The following DGKG variants were observed in gnomAD, a reference collection of about 807,000 sequenced individuals.
DGKG encodes the protein diacylglycerol kinase gamma, also known as DAG kinase gamma.
A neutral mutation model predicts 105.3 loss-of-function variants in DGKG; 78 were observed. The ratio of observed to expected loss-of-function variants is 0.74; its 90% CI spans 0.62 to 0.89. The LOEUF (loss-of-function observed/expected upper bound fraction) is 0.89, where lower values mean the gene tolerates loss of function less well. DGKG is among the 40% of genes least tolerant of loss of function. The probability of loss-of-function intolerance (pLI) is 0.00; values close to 1 mark genes in which losing one functional copy is unlikely to be tolerated. For missense variants in DGKG, 958 were observed against 1,020.1 expected, an observed-to-expected ratio of 0.94 and a Z score of 0.83; for synonymous variants, 346 against 367.1, an observed-to-expected ratio of 0.94 and a Z score of 0.66.
intron 20 of DGKG, among the ~76,000 whole-genome samples, chr3:186,224,066 C>A (rs988370192): frequency 1.3e-5 from 2 of 152,202 alleles, no homozygotes; most frequent in African/African-American, 4.8e-5. Flanking sequence ...TAGCTTGCAC[C>A]TGCTGCCCTT....
chr3:186,153,623 C>G (rs1412736284), intron 24 of DGKG, among the ~76,000 whole-genome samples: 1 of 152,210 alleles, frequency 6.6e-6, no homozygotes, highest in Non-Finnish European at 1.5e-5. Context: ...ATGTGAACTT[C>G]ACTAGTGCTG....
At chr3:186,331,616 G>A (rs543775529) in intron 1 of DGKG, among the ~76,000 whole-genome samples, 4 of 152,140 alleles carry the variant, frequency 2.6e-5, no homozygotes, top group South Asian at 2.1e-4. Context: ...ATGCCCAGGT[G>A]GGGGAGCTGG....
At chr3:186,218,597 A>C (rs1449083831) in intron 20 of DGKG, among the ~76,000 whole-genome samples, 2 of 151,716 alleles carry the variant, frequency 1.3e-5, no homozygotes, top group Non-Finnish European at 2.9e-5. Context: ...GACACAATTC[A>C]GAACAGGATG....
chr3:186,298,349 A>T (rs1422217211), intron 3 of DGKG, 120 bp from the exon 4 acceptor site: 1 of 922,150 alleles, frequency 1.1e-6, no homozygotes, highest in African/African-American at 1.7e-5. Flanking sequence ...GCAGTAGGAC[A>T]TGGAGGAGCT....
intron 11 of DGKG, among the ~76,000 whole-genome samples, chr3:186,270,693 C>T (rs1337442729): frequency 1.3e-5 from 2 of 152,216 alleles, no homozygotes; most frequent in African/African-American, 4.8e-5. Flanking sequence ...AAGTGACTGG[C>T]CCTAGGTTCC....
intron 1 of DGKG, among the ~76,000 whole-genome samples, chr3:186,345,451 C>T (rs190317355): frequency 9.9e-5 from 15 of 152,244 alleles, no homozygotes; most frequent in African/African-American, 3.6e-4. Context: ...TGCTTCCTTA[C>T]TGTCTCCTTT....
chr3:186,223,278 T>G (rs1395160646), intron 20 of DGKG, among the ~76,000 whole-genome samples: 1 of 151,390 alleles, frequency 6.6e-6, no homozygotes, highest in Non-Finnish European at 1.5e-5. Flanking sequence ...AGGAGGGGAA[T>G]GGAGACGCCA....
chr3:186,167,616 G>A (rs571617565), intron 22 of DGKG, among the ~76,000 whole-genome samples: 2 of 152,264 alleles, frequency 1.3e-5, no homozygotes, highest in East Asian at 1.9e-4. Flanking sequence ...TGAGACATCT[G>A]GTATACCAGG....
chr3:186,253,750 C>CA (rs1721331681), intron 17 of DGKG, among the ~76,000 whole-genome samples: 1 of 152,126 alleles, frequency 6.6e-6, no homozygotes, highest in Non-Finnish European at 1.5e-5. Flanking sequence ...TCTATGGCTC[C>CA]AAGTCCATTC....
chr3:186,248,235 A>C (rs548280635), intron 19 of DGKG, among the ~76,000 whole-genome samples: 1 of 152,308 alleles, frequency 6.6e-6, no homozygotes, highest in East Asian at 1.9e-4. Flanking sequence ...TGTTTTTGTC[A>C]GCCAGAGCTG....
chr3:186,352,928 CA>C (rs1395513850), intron 1 of DGKG, among the ~76,000 whole-genome samples: 6 of 152,134 alleles, frequency 3.9e-5, no homozygotes, highest in Non-Finnish European at 8.8e-5. Context: ...AAAAAATGCA[CA>C]CTTTAATGTG....
At chr3:186,345,472 T>C (rs1726284967) in intron 1 of DGKG, among the ~76,000 whole-genome samples, 1 of 152,238 alleles carries the variant, frequency 6.6e-6, no homozygotes, top group Admixed American at 6.5e-5. Flanking sequence ...GTTTAATTAA[T>C]ATTTAGTTTG....
At chr3:186,333,102 G>C (rs78904245) in intron 1 of DGKG, among the ~76,000 whole-genome samples, 1 of 152,142 alleles carries the variant, frequency 6.6e-6, no homozygotes, top group Non-Finnish European at 1.5e-5. Context: ...CAGGTATCCC[G>C]TTATAAGCAG....
intron 22 of DGKG, among the ~76,000 whole-genome samples, chr3:186,176,176 C>T (rs1242918487): frequency 1.9e-4 from 29 of 152,096 alleles, no homozygotes; most frequent in African/African-American, 7.2e-5. Flanking sequence ...TTCTTTGGCT[C>T]GAAGGTAAAA....
intron 2 of DGKG, among the ~76,000 whole-genome samples, chr3:186,316,626 G>A (rs922044194): frequency 6.6e-6 from 1 of 152,022 alleles, no homozygotes; most frequent in Non-Finnish European, 1.5e-5. Context: ...ATGTATGTAC[G>A]TTTACATACA....
At chr3:186,269,887 CAA>C (rs1722237254) in intron 11 of DGKG, among the ~76,000 whole-genome samples, 1 of 152,174 alleles carries the variant, frequency 6.6e-6, no homozygotes, top group African/African-American at 2.4e-5. Flanking sequence ...GCGGCTAAAG[CAA>C]GAGCAGCTGG....
At chr3:186,237,955 C>A (rs984167954) in intron 20 of DGKG, among the ~76,000 whole-genome samples, 1 of 152,062 alleles carries the variant, frequency 6.6e-6, no homozygotes, top group Non-Finnish European at 1.5e-5. Context: ...AAAATGAAAA[C>A]AGTTCTTAGT....
chr3:186,315,346 G>A (rs1055144713), intron 2 of DGKG, among the ~76,000 whole-genome samples: 1 of 152,110 alleles, frequency 6.6e-6, no homozygotes, highest in African/African-American at 2.4e-5. Flanking sequence ...TCCCACAACA[G>A]TACTGAGCTA....
chr3:186,249,699 G>A (rs2108560523), intron 19 of DGKG, among the ~76,000 whole-genome samples: 1 of 152,238 alleles, frequency 6.6e-6, no homozygotes, highest in African/African-American at 2.4e-5. Flanking sequence ...AAAATTAGCT[G>A]GATGTGGTAT....
Sources: gnomAD v4.1 joint callset for allele counts (sites outside exome capture counted in the v4.1 genomes callset) on GRCh38, gnomAD v4.1.1 for gene constraint, MANE v1.5 for transcripts, NCBI Gene and HGNC (gene_info 2026-07-23, HGNC 2026-07-21) for gene names.